The following CSNK1G3 variants were observed in gnomAD, a reference collection of about 807,000 sequenced individuals.
CSNK1G3 encodes casein kinase 1 gamma 3.
In CSNK1G3, 23 loss-of-function variants were observed where a neutral mutation model predicts 64.3. That is an observed-to-expected ratio of 0.36 (90% CI 0.26 to 0.51). The LOEUF (loss-of-function observed/expected upper bound fraction) is 0.51. Among genes scored for constraint, CSNK1G3 ranks in the 20% least tolerant of loss-of-function variants. CSNK1G3 has a pLI of 0.96. For synonymous variants in CSNK1G3, 158 were observed against 162.2 expected, an observed-to-expected ratio of 0.97 and a Z score of 0.20; for missense variants, 357 against 510.5, an observed-to-expected ratio of 0.70 and a Z score of 2.90.
At chr5:123,589,072 GGAATAA>G (rs1326317392) in intron 8 of CSNK1G3, among the ~76,000 whole-genome samples, 2 of 152,018 alleles carry the variant, frequency 1.3e-5, no homozygotes, top group Non-Finnish European at 2.9e-5. Flanking sequence ...CATCAATTAA[GGAATAA>G]GAATAACTTG....
intron 2 of CSNK1G3, 41 bp from the exon 3 acceptor site, chr5:123,553,066 A>G: frequency 3.5e-6 from 4 of 1,132,176 alleles, no homozygotes; most frequent in Non-Finnish European, 5.0e-6. Flanking sequence ...TATCTTTAAA[A>G]TCAATTACTG....
At chr5:123,524,039 A>G (rs1438069457) in intron 1 of CSNK1G3, among the ~76,000 whole-genome samples, 4 of 152,196 alleles carry the variant, frequency 2.6e-5, no homozygotes, top group Admixed American at 6.5e-5. Flanking sequence ...AAAACAAACT[A>G]TGGACCTGCA....
chr5:123,532,503 AC>A (rs1489540877), intron 1 of CSNK1G3, among the ~76,000 whole-genome samples: 1 of 151,784 alleles, frequency 6.6e-6, no homozygotes. Flanking sequence ...GTGGTTCTTA[AC>A]TTTTTTTTAA....
chr5:123,545,151 A>C (rs1390701277), intron 1 of CSNK1G3, among the ~76,000 whole-genome samples: 1 of 152,056 alleles, frequency 6.6e-6, no homozygotes, highest in East Asian at 1.9e-4. Flanking sequence ...ATATTAGTGA[A>C]TGTATGTTGA....
In CSNK1G3 at chr5:123,575,271, G is replaced by C. The variant is rs540517956; in HGVS notation, c.439-458G>C. Reference sequence around the variant, plus strand: ...ATGAAAAAGAAAAAGATACTGAATAGTGCTGTTGTTTTTACTTAATAGTTT... The same window carrying C: ...ATGAAAAAGAAAAAGATACTGAATACTGCTGTTGTTTTTACTTAATAGTTT... On this transcript the variant is annotated intron_variant, in intron 5 of 12. Coordinates refer to ENST00000345990, the Ensembl canonical transcript of CSNK1G3. Among the ~76,000 whole-genome samples, 66 of 152,270 alleles carry C rather than the reference G, an allele frequency of 4.3e-4. 1 individual carries two copies. Among genetic ancestry groups the C allele is most frequent in the South Asian group, 2.7e-3 (13 of 4,828 alleles).
intron 6 of CSNK1G3, among the ~76,000 whole-genome samples, chr5:123,577,422 C>T (rs952003529): frequency 5.3e-5 from 8 of 152,018 alleles, no homozygotes; most frequent in African/African-American, 1.4e-4. Context: ...TACACACACA[C>T]AGAGACATAC....
chr5:123,573,577 A>G (rs1357986020), intron 5 of CSNK1G3, 36 bp downstream of exon 5: 1 of 1,534,770 alleles, frequency 6.5e-7, no homozygotes, highest in Non-Finnish European at 8.8e-7. Context: ...TGTTTGAACA[A>G]TTACATGGTT....
intron 1 of CSNK1G3, among the ~76,000 whole-genome samples, chr5:123,519,595 T>C (rs1777743505): frequency 6.6e-6 from 1 of 152,218 alleles, no homozygotes; most frequent in Non-Finnish European, 1.5e-5. Context: ...ACTTTGCTTA[T>C]CATATCTAGG....
intron 6 of CSNK1G3, among the ~76,000 whole-genome samples, chr5:123,579,094 A>G (rs1462145777): frequency 2.0e-5 from 3 of 151,904 alleles, no homozygotes; most frequent in Non-Finnish European, 4.4e-5. Context: ...GTCTAATCCA[A>G]CTTTCAAATC....
rs535798094 is a variant in CSNK1G3, at chr5:123,599,178, G to A, written c.1087-5546G>A. On this transcript the variant is annotated intron_variant, in intron 10 of 12. Coordinates refer to ENST00000345990, the Ensembl canonical transcript of CSNK1G3. ...ATATAGAGGCAACTGTAAGCAAAGG[G>A]AAAAAGACAAACATTAAGGACACTG... Among the ~76,000 whole-genome samples, 443 of 152,260 alleles carry A rather than the reference G, an allele frequency of 2.9e-3. 2 individuals carry two copies. Among genetic ancestry groups the A allele is most frequent in the Non-Finnish European group, 4.7e-3 (319 of 68,018 alleles).
chr5:123,582,536 T>C (rs1007133163), intron 6 of CSNK1G3, among the ~76,000 whole-genome samples: 6 of 152,238 alleles, frequency 3.9e-5, no homozygotes, highest in African/African-American at 1.4e-4. Flanking sequence ...AAAATTTTAA[T>C]GGACTATGTA....
chr5:123,613,002 A>C (rs1266123558), intron 12 of CSNK1G3, among the ~76,000 whole-genome samples: 3 of 152,166 alleles, frequency 2.0e-5, no homozygotes, highest in Non-Finnish European at 2.9e-5. Context: ...CCAAAAGTAA[A>C]TTCAACCTTA....
intron 4 of CSNK1G3, among the ~76,000 whole-genome samples, chr5:123,567,319 G>C (rs1466982084): frequency 6.6e-6 from 1 of 152,184 alleles, no homozygotes; most frequent in African/African-American, 2.4e-5. Context: ...TTTATTTTAA[G>C]GCCAGGCGTG....
Position 123,526,072 on chromosome 5 carries a change from C to G in CSNK1G3, c.-248+13502C>G, listed in dbSNP as rs138742150. On this transcript the variant is annotated intron_variant, in intron 1 of 12. Transcript: ENST00000345990. Reference sequence around the variant, plus strand: ...TTATTTTTAGAGATAGGGTCTCACTCTGTTGCCCAGGCTGGGGTGCAGTGG... The same window carrying G: ...TTATTTTTAGAGATAGGGTCTCACTGTGTTGCCCAGGCTGGGGTGCAGTGG... 1.1e-4 allele frequency among the ~76,000 whole-genome samples: 17 copies of G among 151,988 alleles called. No individual in the cohort carries two copies. The East Asian group carries it at 3.1e-3, about 28-fold the overall frequency.
At chr5:123,607,432 G>C (rs1795547177) in intron 12 of CSNK1G3, among the ~76,000 whole-genome samples, 1 of 152,038 alleles carries the variant, frequency 6.6e-6, no homozygotes, top group South Asian at 2.1e-4. Context: ...CCATACAATG[G>C]ACTGCCATTT....
chr5:123,604,753 C>T, exon 11 of CSNK1G3: 6 of 1,611,062 alleles, frequency 3.7e-6, no homozygotes, highest in Non-Finnish European at 5.1e-6. Context: ...GAGAGTTAAA[C>T]ACAGATGACC....
chr5:123,512,674 C>CGGGTG (rs1181593167), intron 1 of CSNK1G3, 104 bp downstream of exon 1: 26 of 133,988 alleles, frequency 1.9e-4, no homozygotes, highest in African/African-American at 6.4e-4. Flanking sequence ...GGGTCCCGGG[C>CGGGTG]GGGTGGGGTG....
chr5:123,576,655 T>C (rs1383536509), intron 6 of CSNK1G3, among the ~76,000 whole-genome samples: 1 of 152,130 alleles, frequency 6.6e-6, no homozygotes, highest in Admixed American at 6.5e-5. Flanking sequence ...ATAGGATATC[T>C]CCAATTTGGG....
At chr5:123,540,612 C>T (rs912359206) in intron 1 of CSNK1G3, among the ~76,000 whole-genome samples, 1 of 151,826 alleles carries the variant, frequency 6.6e-6, no homozygotes, top group African/African-American at 2.4e-5. Flanking sequence ...AGATGCTATA[C>T]AGCTGTCGAT....
Sources: gnomAD v4.1 joint callset for allele counts (sites outside exome capture counted in the v4.1 genomes callset) on GRCh38, gnomAD v4.1.1 for gene constraint, MANE v1.5 for transcripts, NCBI Gene and HGNC (gene_info 2026-07-23, HGNC 2026-07-21) for gene names.